HTRA1: variants seen among roughly 807,000 people sequenced by gnomAD.
The protein encoded by HTRA1 is serine protease HTRA1.
HTRA1 carries 26 observed loss-of-function variants against 49.7 expected under a neutral mutation model. The observed-to-expected ratio is 0.52, with a 90% CI of 0.38 to 0.73. The LOEUF (loss-of-function observed/expected upper bound fraction) is 0.73, where lower values mean the gene tolerates loss of function less well. HTRA1 is among the 30% of genes least tolerant of loss of function. The pLI, the probability that HTRA1 is intolerant of heterozygous loss-of-function variation, is 0.00. For synonymous variants in HTRA1, 291 were observed against 286.9 expected (o/e 1.01, Z -0.14); for missense variants, 561 against 667.2 (o/e 0.84, Z 1.75).
chr10:122,513,774 G>C (rs549274873), intron 8 of HTRA1, among the ~76,000 whole-genome samples: 3 of 151,144 alleles, frequency 2.0e-5, no homozygotes, highest in Non-Finnish European at 4.4e-5. Context: ...TGTCACCCAG[G>C]CTGGAGTGCA....
At chr10:122,510,217 C>T (rs895150268) in intron 7 of HTRA1, 64 bp downstream of exon 7, 1 of 1,339,312 alleles carries the variant, frequency 7.5e-7, no homozygotes, top group African/African-American at 1.4e-5. Flanking sequence ...AGAAGGTGCT[C>T]ACGGGCACCC....
At chr10:122,496,256 T>A (rs1218027011) in intron 3 of HTRA1, among the ~76,000 whole-genome samples, 2 of 132,572 alleles carry the variant, frequency 1.5e-5, no homozygotes, top group East Asian at 4.5e-4. Flanking sequence ...TTTTTTTTTT[T>A]TTTGCAGAGA....
chr10:122,479,054 A>G (rs1375164739), intron 1 of HTRA1, among the ~76,000 whole-genome samples: 1 of 152,244 alleles, frequency 6.6e-6, no homozygotes, highest in Non-Finnish European at 1.5e-5. Context: ...TTTTGGGAAC[A>G]TGCTGTTTCC....
Position 122,489,396 on chromosome 10 carries a change from T to G in HTRA1, c.573-26T>G, listed in dbSNP as rs756580969. On this transcript the variant is annotated intron_variant, in intron 2 of 8. Transcript: ENST00000368984. ...CGTTCATTTTAAGGTGCTACAGGCT[T>G]AAGTGTGTACTCCTTTGGATTTTAG... 4 of 1,606,258 alleles carry G rather than the reference T, an allele frequency of 2.5e-6. No individual in the cohort carries two copies. The African/African-American group carries it at 5.3e-5, about 21-fold the overall frequency.
chr10:122,509,638 A>G (rs1469677195), intron 6 of HTRA1, among the ~76,000 whole-genome samples: 2 of 152,160 alleles, frequency 1.3e-5, no homozygotes, highest in Non-Finnish European at 2.9e-5. Context: ...AGGGAAGTTT[A>G]TGATCTGATT....
intron 5 of HTRA1, among the ~76,000 whole-genome samples, chr10:122,508,387 C>A (rs749054918): frequency 1.3e-5 from 2 of 152,250 alleles, no homozygotes; most frequent in Non-Finnish European, 2.9e-5. Flanking sequence ...CAAATCATAT[C>A]GTGCATTTTG....
intron 1 of HTRA1, among the ~76,000 whole-genome samples, chr10:122,475,654 C>T (rs2133913228): frequency 6.6e-6 from 1 of 152,318 alleles, no homozygotes; most frequent in Middle Eastern, 3.4e-3. Flanking sequence ...TCCTTTAGAC[C>T]TCAGCTGGCT....
intron 3 of HTRA1, among the ~76,000 whole-genome samples, chr10:122,493,365 G>A (rs1452782626): frequency 2.0e-5 from 3 of 152,222 alleles, no homozygotes; most frequent in Non-Finnish European, 1.5e-5. Context: ...GTGTAAACAT[G>A]TTAATAGAAA....
intron 7 of HTRA1, 81 bp from the exon 8 acceptor site, chr10:122,511,889 G>A: frequency 1.0e-6 from 1 of 974,120 alleles, no homozygotes; most frequent in Non-Finnish European, 1.7e-6. Flanking sequence ...GGAGAAGACG[G>A]GAACTGGTGA....
rs537858304 is a variant in HTRA1 at position 122,498,112 on chromosome 10, CTT to C, written c.777+8489_777+8490del. 1.3e-3 allele frequency among the ~76,000 whole-genome samples: 201 copies of C among 152,238 alleles called. 1 individual carries two copies. The highest frequency in any genetic ancestry group is 3.9e-3 in the South Asian group (19 of 4,822). The stretch of plus-strand genomic sequence containing the variant: ...GTTCATAAACACCGAGGAGGAAAGT[CTT>C]TTCATTTTTTTCATTTGTGTGCTCT... On this transcript the variant is annotated intron_variant, in intron 3 of 8. Transcript: ENST00000368984.
intron 7 of HTRA1, 77 bp downstream of exon 7, chr10:122,510,230 G>T: frequency 8.4e-7 from 1 of 1,193,822 alleles, no homozygotes; most frequent in South Asian, 1.2e-5. Context: ...GGGCACCCCT[G>T]AAAGAGAAAC....
intron 3 of HTRA1, among the ~76,000 whole-genome samples, chr10:122,497,425 T>A (rs78124278): frequency 0.019 from 2,952 of 152,296 alleles, 77 homozygotes; most frequent in East Asian, 0.14. Flanking sequence ...TTCCCTGCAT[T>A]TGGGGCTCAA....
intron 7 of HTRA1, 119 bp downstream of exon 7, chr10:122,510,272 C>A (rs760806216): frequency 1.2e-6 from 1 of 819,032 alleles, no homozygotes. Context: ...TCAGTTTCTG[C>A]TTATAATGAA....
chr10:122,491,305 G>GT (rs1760127641), intron 3 of HTRA1, among the ~76,000 whole-genome samples: 3 of 152,234 alleles, frequency 2.0e-5, no homozygotes, highest in African/African-American at 4.8e-5. Context: ...CGGCCCCGTG[G>GT]TTTGATGGGA....
intron 1 of HTRA1, among the ~76,000 whole-genome samples, chr10:122,488,425 G>T (rs1013114071): frequency 6.6e-6 from 1 of 152,132 alleles, no homozygotes; most frequent in African/African-American, 2.4e-5. Context: ...AAAATACAAA[G>T]GTGGTGGGTG....
intron 3 of HTRA1, among the ~76,000 whole-genome samples, chr10:122,501,412 A>T (rs1456244903): frequency 6.6e-6 from 1 of 152,238 alleles, no homozygotes; most frequent in Non-Finnish European, 1.5e-5. Flanking sequence ...AATGTGCATG[A>T]GGGAGTATGG....
chr10:122,485,814 C>T (rs566309383), intron 1 of HTRA1, among the ~76,000 whole-genome samples: 2 of 152,306 alleles, frequency 1.3e-5, no homozygotes, highest in East Asian at 1.9e-4. Context: ...AGTGGGAAGG[C>T]GCTGGTAATG....
At position 122,461,626 on chromosome 10, in the gene HTRA1, G is replaced by A. The variant is rs1052886463; in HGVS notation, c.-27G>A. On this transcript the variant is annotated 5_prime_UTR_variant, in exon 1 of 9. Transcript: ENST00000368984. ...CTCTCCGGCCCTCGCCCTGTCCGCCGCCACCGCCGCCGCCGCCAGAGTCGC... is the reference window on the plus strand; with the variant it reads ...CTCTCCGGCCCTCGCCCTGTCCGCCACCACCGCCGCCGCCGCCAGAGTCGC... 5.5e-6 allele frequency: 7 copies of A among 1,277,260 alleles called. No homozygotes were observed. Among genetic ancestry groups the A allele is most frequent in the East Asian group, 5.0e-5 (1 of 20,144 alleles). The allele number at this position is 1,277,260 out of a possible 1,614,324, so 79.1% of individuals were successfully genotyped here. A position where few individuals can be genotyped will look rare whatever the true frequency, so the allele number is the denominator to read the frequency against.
At position 122,464,416 on chromosome 10, in the gene HTRA1, T is replaced by C. The variant is rs2097482910; in HGVS notation, c.472+2292T>C. Among the ~76,000 whole-genome samples, 1 of 152,110 alleles carries C rather than the reference T, an allele frequency of 6.6e-6. No homozygotes were observed. Among genetic ancestry groups the C allele is most frequent in the Admixed American group, 6.5e-5 (1 of 15,278 alleles). On this transcript the variant is annotated intron_variant, in intron 1 of 8. Coordinates refer to ENST00000368984, the MANE Select transcript of HTRA1 (RefSeq NM_002775.5). This position sits in a 1 kb window ranked among gnomAD's most constrained non-coding sequence, Gnocchi z 4.8. ...TGAAAGGAGGGAGAGACAGAGTGGGTACAATGCTTTTCTTATCCCTCCCTC... is the reference window on the plus strand; with the variant it reads ...TGAAAGGAGGGAGAGACAGAGTGGGCACAATGCTTTTCTTATCCCTCCCTC...
Sources: allele counts gnomAD v4.1 joint callset (sites outside exome capture counted in the v4.1 genomes callset), GRCh38; gene constraint gnomAD v4.1.1; non-coding constraint Gnocchi (gnomAD v3.1); transcripts MANE v1.5; gene names NCBI Gene and HGNC (gene_info 2026-07-23, HGNC 2026-07-21).